Variants in KIAA0232 observed in about 807,000 individuals in gnomAD.
KIAA0232 encodes KIAA0232, also known as uncharacterized protein KIAA0232.
A neutral mutation model predicts 122.0 loss-of-function variants in KIAA0232; 27 were observed. The observed-to-expected ratio is 0.22, with a 90% CI of 0.16 to 0.31. The LOEUF (loss-of-function observed/expected upper bound fraction) is 0.31. Ranked by LOEUF, KIAA0232 falls within the 10% of genes least tolerant of loss-of-function variation. The probability of loss-of-function intolerance (pLI) is 1.00; values close to 1 mark genes in which losing one functional copy is unlikely to be tolerated. For synonymous variants in KIAA0232, 613 were observed against 587.6 expected (o/e 1.04, Z -0.63); for missense variants, 1,551 against 1,634.2 (o/e 0.95, Z 0.88).
chr4:6,791,162 C>T (rs566324078), intron 1 of KIAA0232, among the ~76,000 whole-genome samples: 24 of 151,386 alleles, frequency 1.6e-4, no homozygotes, highest in African/African-American at 2.9e-4. Flanking sequence ...TCAGGCAGTC[C>T]GCCCGCCTTG....
At chr4:6,816,246 A>G (rs1490036415) in intron 2 of KIAA0232, among the ~76,000 whole-genome samples, 3 of 151,468 alleles carry the variant, frequency 2.0e-5, no homozygotes, top group East Asian at 3.9e-4. Flanking sequence ...TGTACTCATG[A>G]GGCATATTGG....
At chr4:6,846,139 C>T (rs566746070) in intron 4 of KIAA0232, among the ~76,000 whole-genome samples, 70 of 151,254 alleles carry the variant, frequency 4.6e-4, no homozygotes, top group Admixed American at 1.4e-3. Flanking sequence ...TTCATAACAA[C>T]GATTTTTAAA....
chr4:6,871,833 G>A (rs1329487889), intron 8 of KIAA0232, 151 bp downstream of exon 8: 2 of 604,088 alleles, frequency 3.3e-6, no homozygotes, highest in South Asian at 2.0e-5. Flanking sequence ...GACACAGGGA[G>A]GAATGAGAAC....
At chr4:6,874,081 A>G (rs1013030701) in intron 8 of KIAA0232, among the ~76,000 whole-genome samples, 1 of 152,234 alleles carries the variant, frequency 6.6e-6, no homozygotes. Flanking sequence ...AAACAGGCTC[A>G]GAAAAGAGGC....
At chr4:6,849,767 CAAA>C (rs60938979) in intron 4 of KIAA0232, among the ~76,000 whole-genome samples, 3 of 115,842 alleles carry the variant, frequency 2.6e-5, no homozygotes, top group African/African-American at 3.2e-5. Flanking sequence ...ACTCGGTCTC[CAAA>C]AAAAAAAAAA....
intron 3 of KIAA0232, among the ~76,000 whole-genome samples, chr4:6,832,151 T>G (rs1220402088): frequency 6.6e-6 from 1 of 152,216 alleles, no homozygotes; most frequent in African/African-American, 2.4e-5. Flanking sequence ...TTTAATGGCA[T>G]AGTTTGGTTT....
intron 4 of KIAA0232, 32 bp from the exon 5 acceptor site, chr4:6,857,132 G>A (rs1720609683): frequency 6.5e-7 from 1 of 1,548,842 alleles, no homozygotes; most frequent in Non-Finnish European, 8.8e-7. Context: ...ATACCTGGCT[G>A]TAACCTAATG....
Position 6,842,034 on chromosome 4 carries a change from C to T in KIAA0232, c.232-33C>T. 3.7e-6 allele frequency: 6 copies of T among 1,612,006 alleles called. No individual in the cohort carries two copies. In the South Asian group the frequency reaches 5.5e-5, roughly 15 times the overall value. Reference sequence around the variant, plus strand: ...GAACATAGTAGTGTCCAAGTTAGCCCTGGTCATTTAACCTGGTGCAATTTC... The same window carrying T: ...GAACATAGTAGTGTCCAAGTTAGCCTTGGTCATTTAACCTGGTGCAATTTC... On this transcript the variant is annotated intron_variant, in intron 3 of 9. Transcript: ENST00000307659.
Position 6,881,084 on chromosome 4 carries a change from G to T in KIAA0232, c.*118G>T. On this transcript the variant is annotated 3_prime_UTR_variant, in exon 10 of 10. Transcript: ENST00000307659. The stretch of plus-strand genomic sequence containing the variant: ...GTTTCCTCTTCAATTAACTGATTCA[G>T]ATTGGTAATAATTATCTTTCTCTTC... 2 of 677,118 alleles carry T rather than the reference G, an allele frequency of 3.0e-6. No individual in the cohort carries two copies. The highest frequency in any genetic ancestry group is 4.5e-6 in the Non-Finnish European group (2 of 448,166). 41.9% of individuals were successfully genotyped at this position (677,118 alleles called of 1,614,324 possible).
intron 2 of KIAA0232, among the ~76,000 whole-genome samples, chr4:6,809,134 G>A (rs962498032): frequency 5.3e-5 from 8 of 152,150 alleles, no homozygotes; most frequent in African/African-American, 2.4e-5. Context: ...TGTTTCAGCC[G>A]TGTCTGTGCT....
At chr4:6,856,075 C>A (rs1720551836) in intron 4 of KIAA0232, among the ~76,000 whole-genome samples, 1 of 152,078 alleles carries the variant, frequency 6.6e-6, no homozygotes, top group African/African-American at 2.4e-5. Context: ...TAGATGTTTA[C>A]AATTAACTGT....
intron 2 of KIAA0232, among the ~76,000 whole-genome samples, chr4:6,814,201 G>A (rs985205630): frequency 3.3e-5 from 5 of 152,102 alleles, no homozygotes; most frequent in Non-Finnish European, 7.3e-5. Context: ...AAACTGGACA[G>A]CAAAGAGAGG....
At chr4:6,856,783 C>T (rs1017620114) in intron 4 of KIAA0232, among the ~76,000 whole-genome samples, 5 of 151,852 alleles carry the variant, frequency 3.3e-5, no homozygotes, top group African/African-American at 1.2e-4. Context: ...GGTATAAGAT[C>T]TCGCTCACAT....
At chr4:6,878,769 G>A (rs1054936825) in intron 9 of KIAA0232, among the ~76,000 whole-genome samples, 2 of 152,274 alleles carry the variant, frequency 1.3e-5, no homozygotes, top group African/African-American at 2.4e-5. Flanking sequence ...CACACGGCAT[G>A]TGATCAAGTT....
rs1173281370 is a variant in KIAA0232 at position 6,836,546 on chromosome 4, CT to C, written c.232-5507del. On this transcript the variant is annotated intron_variant, in intron 3 of 9. Transcript: ENST00000307659. ...CCTTTTTCTTTTTTTTTTTTCTTTTCTTTTTTTTTTTTTTAGTATTTATTGA... is the reference window on the plus strand; with the variant it reads ...CCTTTTTCTTTTTTTTTTTTCTTTTCTTTTTTTTTTTTTAGTATTTATTGA... Among the ~76,000 whole-genome samples the C allele has an allele frequency of 2.2e-3, 182 of 82,050 alleles. 1 individual carries two copies. Among genetic ancestry groups the C allele is most frequent in the Non-Finnish European group, 2.8e-3 (105 of 37,342 alleles). The allele number at this position is 82,050 out of a possible 152,430, so 53.8% of individuals were successfully genotyped here.
At chr4:6,808,657 G>A (rs1020372679) in intron 2 of KIAA0232, among the ~76,000 whole-genome samples, 4 of 151,880 alleles carry the variant, frequency 2.6e-5, no homozygotes, top group Admixed American at 2.6e-4. Context: ...TCTAGTACAT[G>A]GGATCGTGAG....
chr4:6,865,689 G>A (rs553178948), intron 7 of KIAA0232, among the ~76,000 whole-genome samples: 1 of 152,250 alleles, frequency 6.6e-6, no homozygotes, highest in East Asian at 1.9e-4. Flanking sequence ...CCTCCCAACT[G>A]TCCTGCACAC....
intron 3 of KIAA0232, among the ~76,000 whole-genome samples, chr4:6,838,186 T>TA (rs1328148778): frequency 2.7e-5 from 3 of 113,038 alleles, no homozygotes; most frequent in Non-Finnish European, 3.6e-5. Context: ...GTAACAAAGA[T>TA]AGCTTTTTTT....
At chr4:6,818,486 G>GACAC (rs34245955) in intron 2 of KIAA0232, among the ~76,000 whole-genome samples, 4,156 of 149,202 alleles carry the variant, frequency 0.028, 328 homozygotes, top group East Asian at 0.24. Context: ...ATTTACAATA[G>GACAC]ACACACACAC....
Sources: allele counts gnomAD v4.1 joint callset (sites outside exome capture counted in the v4.1 genomes callset), GRCh38; gene constraint gnomAD v4.1.1; transcripts MANE v1.5; gene names NCBI Gene and HGNC (gene_info 2026-07-23, HGNC 2026-07-21).